Variants in P3H2 observed in about 807,000 individuals in gnomAD.
The protein encoded by P3H2 is leprecan-like 1.
Under a neutral mutation model 87.0 loss-of-function variants are expected in P3H2, and 80 were observed. That is an observed-to-expected ratio of 0.92 (90% CI 0.77 to 1.11). P3H2 has a LOEUF of 1.11. Among genes scored for constraint, P3H2 ranks in the 50% least tolerant of loss-of-function variants. The pLI, the probability that P3H2 is intolerant of heterozygous loss-of-function variation, is 0.00. For synonymous variants in P3H2, 367 were observed against 359.3 expected, an observed-to-expected ratio of 1.02 and a Z score of -0.24; for missense variants, 1,001 against 923.9, an observed-to-expected ratio of 1.08 and a Z score of -1.08.
intron 1 of P3H2, among the ~76,000 whole-genome samples, chr3:190,102,587 T>C (rs936194886): frequency 6.6e-5 from 10 of 152,328 alleles, no homozygotes; most frequent in Middle Eastern, 3.4e-3. Flanking sequence ...GATAAAAAGT[T>C]GCTTCTTAAG....
At chr3:189,993,120 C>T (rs981090519) in intron 3 of P3H2, among the ~76,000 whole-genome samples, 4 of 152,058 alleles carry the variant, frequency 2.6e-5, no homozygotes, top group East Asian at 1.9e-4. Context: ...GTCAGGAGAT[C>T]GAGACCAGCC....
At chr3:190,059,428 T>C (rs540715905) in intron 1 of P3H2, among the ~76,000 whole-genome samples, 47 of 151,648 alleles carry the variant, frequency 3.1e-4, no homozygotes, top group African/African-American at 8.5e-4. Flanking sequence ...GGATGGAAAA[T>C]TGGAAAGGTC....
At chr3:189,977,406 T>C (rs1305438687) in intron 8 of P3H2, among the ~76,000 whole-genome samples, 1 of 152,148 alleles carries the variant, frequency 6.6e-6, no homozygotes. Flanking sequence ...TAAAAGGCCA[T>C]AGTCCAACAA....
chr3:189,995,556 G>GTT (rs1553874169), intron 1 of P3H2, 114 bp from the exon 2 acceptor site: 25,820 of 832,702 alleles, frequency 0.031, 1 homozygote, highest in East Asian at 0.058. Context: ...AGGAGCCTTG[G>GTT]TTTTTTTTTT....
intron 1 of P3H2, among the ~76,000 whole-genome samples, chr3:190,047,976 C>T (rs114939934): frequency 0.02 from 3,051 of 152,102 alleles, 113 homozygotes; most frequent in African/African-American, 0.07. Context: ...TTGTTTTATC[C>T]TTTTTTTATG....
intron 1 of P3H2, among the ~76,000 whole-genome samples, chr3:190,049,127 A>G (rs1328554021): frequency 6.6e-6 from 1 of 152,212 alleles, no homozygotes. Context: ...AGAAAGTCAG[A>G]AGAGGAAGAA....
intron 4 of P3H2, among the ~76,000 whole-genome samples, chr3:189,988,586 TTTTG>T (rs1218863148): frequency 3.9e-5 from 6 of 152,182 alleles, no homozygotes; most frequent in Non-Finnish European, 7.4e-5. Context: ...ATAAATAATG[TTTTG>T]TTTTTGGAAA....
At chr3:190,044,445 G>T (rs564782737) in intron 1 of P3H2, among the ~76,000 whole-genome samples, 1 of 152,316 alleles carries the variant, frequency 6.6e-6, no homozygotes, top group South Asian at 2.1e-4. Flanking sequence ...TCGCTAGAAT[G>T]CAGTGCACAC....
intron 1 of P3H2, among the ~76,000 whole-genome samples, chr3:190,066,671 A>G (rs145324518): frequency 6.6e-6 from 1 of 152,148 alleles, no homozygotes; most frequent in Admixed American, 6.6e-5. Context: ...CAATATAAAA[A>G]AAGTTTATGA....
intron 1 of P3H2, among the ~76,000 whole-genome samples, chr3:190,047,205 C>T (rs929205607): frequency 4.6e-5 from 7 of 151,924 alleles, no homozygotes; most frequent in African/African-American, 1.7e-4. Flanking sequence ...ATCATCTCAC[C>T]CCAGTTAAAA....
chr3:189,984,195 A>C (rs1364951117), intron 7 of P3H2, among the ~76,000 whole-genome samples: 3 of 152,204 alleles, frequency 2.0e-5, no homozygotes, highest in Non-Finnish European at 4.4e-5. Context: ...AAATACAATA[A>C]GGGAATTCAC....
chr3:190,097,389 T>C (rs983021172), intron 1 of P3H2, among the ~76,000 whole-genome samples: 3 of 152,172 alleles, frequency 2.0e-5, no homozygotes, highest in Non-Finnish European at 4.4e-5. Flanking sequence ...TCCTCATATA[T>C]AGTTCAATAA....
chr3:190,017,187 C>T (rs946775353), intron 1 of P3H2, among the ~76,000 whole-genome samples: 1 of 152,080 alleles, frequency 6.6e-6, no homozygotes, highest in East Asian at 1.9e-4. Flanking sequence ...CTCTCCATAT[C>T]CTGAAGAATT....
intron 1 of P3H2, among the ~76,000 whole-genome samples, chr3:190,078,165 C>A (rs926382968): frequency 9.9e-5 from 15 of 152,144 alleles, no homozygotes; most frequent in African/African-American, 3.6e-4. Context: ...GGGAGTGAGA[C>A]TTATTTAGCA....
chr3:190,038,847 G>A (rs538674823), intron 1 of P3H2, among the ~76,000 whole-genome samples: 1 of 152,286 alleles, frequency 6.6e-6, no homozygotes, highest in Admixed American at 6.5e-5. Flanking sequence ...AGAATAAACT[G>A]CAGTTAGTAT....
chr3:190,105,187 T>G (rs1711783404), intron 1 of P3H2, among the ~76,000 whole-genome samples: 1 of 152,194 alleles, frequency 6.6e-6, no homozygotes, highest in South Asian at 2.1e-4. Flanking sequence ...TAGGTATTTG[T>G]TTGACTCACG....
At chr3:190,116,209 T>C (rs1712282787) in intron 1 of P3H2, among the ~76,000 whole-genome samples, 1 of 152,152 alleles carries the variant, frequency 6.6e-6, no homozygotes, top group Non-Finnish European at 1.5e-5. Flanking sequence ...CATTTATATG[T>C]TAGGATAGTT....
At chr3:190,040,942 G>C (rs1725587207) in intron 1 of P3H2, among the ~76,000 whole-genome samples, 1 of 147,734 alleles carries the variant, frequency 6.8e-6, no homozygotes, top group Admixed American at 6.9e-5. Flanking sequence ...ACAGCACTTT[G>C]GGAAGCTGAG....
chr3:190,073,451 G>A (rs962532748), intron 1 of P3H2, among the ~76,000 whole-genome samples: 15 of 152,222 alleles, frequency 9.9e-5, no homozygotes, highest in African/African-American at 2.9e-4. Context: ...TTCAGCTTCC[G>A]GGCGATTCTG....
Sources: allele counts gnomAD v4.1 joint callset (sites outside exome capture counted in the v4.1 genomes callset), GRCh38; gene constraint gnomAD v4.1.1; transcripts MANE v1.5; gene names NCBI Gene and HGNC (gene_info 2026-07-23, HGNC 2026-07-21).